Variants in ANO6 observed in about 807,000 individuals in gnomAD.
ANO6 encodes the protein anoctamin-6.
ANO6 carries 106 observed loss-of-function variants against 117.5 expected under a neutral mutation model. That is an observed-to-expected ratio of 0.90 (90% CI 0.77 to 1.06). ANO6 has a LOEUF of 1.06. Among genes scored for constraint, ANO6 ranks in the 50% least tolerant of loss-of-function variants. ANO6 has a pLI of 0.00. For synonymous variants in ANO6, 367 were observed against 385.1 expected (o/e 0.95, Z 0.55); for missense variants, 955 against 1,121.1 (o/e 0.85, Z 2.12).
chr12:45,357,197 C>T (rs1375854550), intron 7 of ANO6, 93 bp from the exon 8 acceptor site: 16 of 1,428,234 alleles, frequency 1.1e-5, no homozygotes, highest in Non-Finnish European at 1.6e-5. Flanking sequence ...AAGCTTAAAG[C>T]CTCTCCTTTA....
chr12:45,353,134 G>T (rs980212128), intron 7 of ANO6, among the ~76,000 whole-genome samples: 3 of 152,186 alleles, frequency 2.0e-5, no homozygotes, highest in South Asian at 2.1e-4. Flanking sequence ...ATATCAGAAG[G>T]TATATAATGT....
chr12:45,428,052 C>T (rs2137729207), intron 19 of ANO6, among the ~76,000 whole-genome samples: 1 of 151,798 alleles, frequency 6.6e-6, no homozygotes, highest in South Asian at 2.1e-4. Context: ...TTGGTATCAT[C>T]TTATAAAATG....
intron 6 of ANO6, 25 bp downstream of exon 6, chr12:45,348,656 TA>T (rs35762502): frequency 1.4e-4 from 217 of 1,544,120 alleles, no homozygotes; most frequent in Non-Finnish European, 1.4e-4. Context: ...AAAAATGAAC[TA>T]AAAGGCCTTC....
At chr12:45,396,442 C>T (rs1593062723) in intron 12 of ANO6, among the ~76,000 whole-genome samples, 1 of 152,126 alleles carries the variant, frequency 6.6e-6, no homozygotes, top group African/African-American at 2.4e-5. Flanking sequence ...AATTCAGTGC[C>T]ATCCCCATCA....
At chr12:45,423,599 A>G (rs752132747) in intron 19 of ANO6, among the ~76,000 whole-genome samples, 36 of 152,216 alleles carry the variant, frequency 2.4e-4, no homozygotes, top group Non-Finnish European at 4.0e-4. Flanking sequence ...AATGCAGTCT[A>G]TGGTGGCTTA....
At chr12:45,283,727 A>G (rs180817908) in intron 1 of ANO6, among the ~76,000 whole-genome samples, 1 of 152,294 alleles carries the variant, frequency 6.6e-6, no homozygotes, top group Non-Finnish European at 1.5e-5. Flanking sequence ...CAGGACTCGT[A>G]GTCTAAGCAT....
At chr12:45,310,194 T>C (rs1304301827) in intron 2 of ANO6, among the ~76,000 whole-genome samples, 1 of 152,114 alleles carries the variant, frequency 6.6e-6, no homozygotes, top group East Asian at 1.9e-4. Context: ...GAAGATGTCA[T>C]TTAGAAATTT....
rs199513786 is a variant in ANO6 at position 45,355,664 on chromosome 12, G to A, written c.864-1626G>A. ...AGCCAGAGAGCAAAGCTCCGGTCAC[G>A]TGAAAATCAGCCCACTGTGTTCCTC... On this transcript the variant is annotated intron_variant, in intron 7 of 19. Transcript: ENST00000320560. 6.6e-5 allele frequency among the ~76,000 whole-genome samples: 10 copies of A among 152,262 alleles called. No individual in the cohort carries two copies. The East Asian group carries it at 1.9e-3, about 29-fold the overall frequency.
intron 3 of ANO6, among the ~76,000 whole-genome samples, chr12:45,337,436 T>C (rs1034535912): frequency 1.1e-4 from 16 of 152,130 alleles, no homozygotes; most frequent in African/African-American, 3.1e-4. Context: ...TATGGTAGGC[T>C]ACACCTTCTA....
At chr12:45,275,967 G>C (rs943640633) in intron 1 of ANO6, among the ~76,000 whole-genome samples, 1 of 152,188 alleles carries the variant, frequency 6.6e-6, no homozygotes, top group Admixed American at 6.5e-5. Flanking sequence ...CTGAGTTCTA[G>C]ACGCCGTACC....
At chr12:45,341,509 A>G (rs1263771133) in intron 3 of ANO6, among the ~76,000 whole-genome samples, 2 of 152,226 alleles carry the variant, frequency 1.3e-5, no homozygotes, top group Non-Finnish European at 2.9e-5. Flanking sequence ...TATGTGCTAT[A>G]CATTCTCATC....
At chr12:45,357,103 A>C (rs1941430541) in intron 7 of ANO6, among the ~76,000 whole-genome samples, 187 bp from the exon 8 acceptor site, 1 of 152,218 alleles carries the variant, frequency 6.6e-6, no homozygotes. Flanking sequence ...TTCTTCCATA[A>C]TGTGTAATAT....
intron 1 of ANO6, among the ~76,000 whole-genome samples, chr12:45,231,842 C>CT (rs138143608): frequency 0.015 from 2,341 of 152,240 alleles, 57 homozygotes; most frequent in African/African-American, 0.053. Context: ...CAGCAAAAGG[C>CT]TTTTGAGCCA....
At chr12:45,297,978 GCTT>G (rs1939349654) in intron 1 of ANO6, among the ~76,000 whole-genome samples, 1 of 152,052 alleles carries the variant, frequency 6.6e-6, no homozygotes, top group African/African-American at 2.4e-5. Context: ...GTTCTTCTTG[GCTT>G]CCCTAGGGCC....
intron 1 of ANO6, among the ~76,000 whole-genome samples, chr12:45,293,729 GTTTTTTT>G (rs138396024): frequency 2.1e-5 from 1 of 48,418 alleles, no homozygotes; most frequent in Admixed American, 3.5e-4. Flanking sequence ...CCTGGCTAAT[GTTTTTTT>G]TTTTTTTTTT....
At chr12:45,378,354 G>A (rs1942084497) in intron 10 of ANO6, among the ~76,000 whole-genome samples, 1 of 151,886 alleles carries the variant, frequency 6.6e-6, no homozygotes, top group Admixed American at 6.6e-5. Flanking sequence ...ATCATTCTCT[G>A]GGTCAGCTGA....
chr12:45,307,276 C>G (rs1051231485), intron 2 of ANO6, among the ~76,000 whole-genome samples: 1 of 152,062 alleles, frequency 6.6e-6, no homozygotes, highest in East Asian at 1.9e-4. Flanking sequence ...ATTAGACTTT[C>G]TCAGGAATCC....
chr12:45,429,146 T>A lies in ANO6; in HGVS notation c.2568T>A (p.Ile856=). 6.2e-7 allele frequency: 1 copy of A among 1,613,756 alleles called. No homozygotes were observed. The highest frequency in any genetic ancestry group is 2.2e-5 in the East Asian group (1 of 44,832). ...YSVKFFISYA[I]PDVSKRTKSK... Reference sequence around the variant, plus strand: ...TGAAATTTTTCATTTCATATGCAATTCCCGATGTATCAAAACGCACAAAGA... The same window carrying A: ...TGAAATTTTTCATTTCATATGCAATACCCGATGTATCAAAACGCACAAAGA... The change falls in exon 20 of 20, where the codon ATT becomes ATA. Residue 856 remains isoleucine, a synonymous_variant. Coordinates refer to ENST00000320560, the MANE Select transcript of ANO6 (RefSeq NM_001025356.3).
At chr12:45,239,949 G>T (rs1947711941) in intron 1 of ANO6, among the ~76,000 whole-genome samples, 1 of 152,102 alleles carries the variant, frequency 6.6e-6, no homozygotes, top group Non-Finnish European at 1.5e-5. Context: ...CCAATTATGT[G>T]GTCAATTTTA....
Sources: gnomAD v4.1 joint callset for allele counts (sites outside exome capture counted in the v4.1 genomes callset) on GRCh38, gnomAD v4.1.1 for gene constraint, MANE v1.5 for transcripts, NCBI Gene and HGNC (gene_info 2026-07-23, HGNC 2026-07-21) for gene names.